ZNF488: variants seen among roughly 807,000 people sequenced by gnomAD.
The protein encoded by ZNF488 is zinc finger protein 488.
Under a neutral mutation model 1.2 loss-of-function variants are expected in ZNF488, and 1 was observed. The ratio of observed to expected loss-of-function variants is 0.86; its 90% CI spans 0.30 to 4.07. The LOEUF (loss-of-function observed/expected upper bound fraction) is 4.07. Ranked by LOEUF, ZNF488 falls within the 30% of genes most tolerant of loss-of-function variation. ZNF488 has a pLI of 0.18. For synonymous variants in ZNF488, 185 were observed against 190.1 expected (o/e 0.97, Z 0.22); for missense variants, 450 against 437.9 (o/e 1.03, Z -0.25).
At chr10:47,369,230 C>T (rs547756911) in intron 1 of ZNF488, among the ~76,000 whole-genome samples, 4 of 152,224 alleles carry the variant, frequency 2.6e-5, no homozygotes, top group Non-Finnish European at 5.9e-5. Context: ...AAAAGTGGTT[C>T]CTGGGGATTA....
chr10:47,374,614 C>T (rs1416131300), intron 1 of ZNF488, among the ~76,000 whole-genome samples: 3 of 152,154 alleles, frequency 2.0e-5, no homozygotes, highest in Non-Finnish European at 4.4e-5. Context: ...GAGCCAGAGA[C>T]CAAGCTTGGG....
At position 47,367,813 on chromosome 10, in the gene ZNF488, G is replaced by C. The variant is rs1555213028; in HGVS notation, c.1017C>G (p.His339Gln). Residue 339 changes from histidine to glutamine, a missense_variant, in exon 2 of 2, where the codon CAC becomes CAG. Transcript: ENST00000585316. ...GTCATTCTGCGGTCACCTGCTAGCT[G>C]TGAGAAGTCATGTGCCGGGAGAGGT... Reference protein sequence around the residue: ...RHHLSRHMTSHS With the variant: ...RHHLSRHMTSQS The C allele has an allele frequency of 6.2e-7, 1 of 1,609,194 alleles. No individual in the cohort carries two copies. Among genetic ancestry groups the C allele is most frequent in the South Asian group, 1.1e-5 (1 of 90,370 alleles).
intron 1 of ZNF488, among the ~76,000 whole-genome samples, chr10:47,377,569 C>T: frequency 6.7e-6 from 1 of 150,110 alleles, no homozygotes; most frequent in East Asian, 2.0e-4. Context: ...ACACACACAG[C>T]TGCCACCCAG....
intron 1 of ZNF488, among the ~76,000 whole-genome samples, chr10:47,372,182 T>G (rs1386319139): frequency 6.6e-6 from 1 of 152,180 alleles, no homozygotes; most frequent in Non-Finnish European, 1.5e-5. Context: ...TAGTTGGAAA[T>G]GACTGGAGAG....
intron 1 of ZNF488, among the ~76,000 whole-genome samples, chr10:47,381,522 C>T (rs1008595629): frequency 5.9e-5 from 9 of 152,294 alleles, no homozygotes; most frequent in Non-Finnish European, 1.0e-4. Flanking sequence ...TCCAGGCTTT[C>T]CCAGAGGCTG....
chr10:47,374,886 G>T (rs186702116), intron 1 of ZNF488, among the ~76,000 whole-genome samples: 1 of 152,174 alleles, frequency 6.6e-6, no homozygotes, highest in East Asian at 1.9e-4. Context: ...TGTGTCAAAG[G>T]CCTGCACCCT....
intron 1 of ZNF488, among the ~76,000 whole-genome samples, chr10:47,375,616 C>T (rs536569441): frequency 5.1e-4 from 77 of 152,232 alleles, no homozygotes; most frequent in African/African-American, 1.7e-3. Flanking sequence ...TCTAGTATTC[C>T]GAAACTATTA....
At chr10:47,378,083 G>A (rs1219721323) in intron 1 of ZNF488, among the ~76,000 whole-genome samples, 1 of 152,190 alleles carries the variant, frequency 6.6e-6, no homozygotes, top group African/African-American at 2.4e-5. Flanking sequence ...CCTGCCCCTA[G>A]AGAGAGCATG....
intron 1 of ZNF488, among the ~76,000 whole-genome samples, chr10:47,374,193 TA>T (rs1417228479): frequency 2.0e-5 from 3 of 152,224 alleles, no homozygotes; most frequent in Non-Finnish European, 4.4e-5. Context: ...TCCTAAATAC[TA>T]TAAGGCGCCG....
At chr10:47,369,021 C>A in intron 1 of ZNF488, 84 bp from the exon 2 acceptor site, 1 of 633,298 alleles carries the variant, frequency 1.6e-6, no homozygotes, top group Non-Finnish European at 2.6e-6. Flanking sequence ...CAGACAGGAC[C>A]CTGATGCTCA....
chr10:47,367,868 A>G lies in ZNF488; in HGVS notation c.962T>C (p.Val321Ala). ...GCGCTCCCGGAAGTGCTCCTGGCAC[A>G]CAGGGCAGGCAAGGGCCTCTTCTCT... is the stretch of plus-strand genomic sequence containing the variant. ...KRREEALACP[V>A]CQEHFRERHH... The change falls in exon 2 of 2, where the codon GTG becomes GCG. Residue 321 changes from valine (V) to alanine (A), a missense_variant. Coordinates refer to ENST00000585316, the MANE Select transcript of ZNF488 (RefSeq NM_153034.4). 3 of 1,613,940 alleles carry G rather than the reference A, an allele frequency of 1.9e-6. No individual in the cohort carries two copies. Among genetic ancestry groups the G allele is most frequent in the Non-Finnish European group, 2.5e-6 (3 of 1,180,030 alleles).
At chr10:47,375,167 C>T (rs987180006) in intron 1 of ZNF488, among the ~76,000 whole-genome samples, 7 of 152,194 alleles carry the variant, frequency 4.6e-5, no homozygotes, top group Non-Finnish European at 1.0e-4. Context: ...GTGAGATGAT[C>T]AGGAATGTTT....
intron 1 of ZNF488, among the ~76,000 whole-genome samples, 176 bp from the exon 2 acceptor site, chr10:47,369,113 C>T: frequency 6.6e-6 from 1 of 152,342 alleles, no homozygotes. Flanking sequence ...CACCATCCTC[C>T]AGGGCCCACC....
intron 1 of ZNF488, among the ~76,000 whole-genome samples, chr10:47,382,195 C>T (rs1433769276): frequency 1.3e-5 from 2 of 152,278 alleles, no homozygotes; most frequent in African/African-American, 2.4e-5. Context: ...ATAGCAAGAG[C>T]ACAAGGAACA....
chr10:47,382,446 A>C (rs540447498), intron 1 of ZNF488, among the ~76,000 whole-genome samples: 1 of 151,988 alleles, frequency 6.6e-6, no homozygotes, highest in Non-Finnish European at 1.5e-5. Flanking sequence ...TTTTTTTTAA[A>C]TAATTGGTGT....
At position 47,368,818 on chromosome 10, in the gene ZNF488, C is replaced by G. The variant is rs1837350039; in HGVS notation, c.12G>C (p.Trp4Cys). The G allele has an allele frequency of 1.9e-6, 3 of 1,589,882 alleles. No individual in the cohort carries two copies. Among genetic ancestry groups the G allele is most frequent in the Non-Finnish European group, 2.6e-6 (3 of 1,168,684 alleles). Residue 4 changes from tryptophan to cysteine, a missense_variant, in exon 2 of 2, where the codon TGG becomes TGC. By Grantham distance (215) the Trp-to-Cys change is radical (BLOSUM62 -2). Coordinates refer to ENST00000585316, the MANE Select transcript of ZNF488 (RefSeq NM_153034.4). ...CCGGGGCCACAGATAAGCAAGGTGG[C>G]CACTCTGGCATTCATCAGTCTTTGG... MPE[W>C]PPCLSVAPAL...
rs1555213028 is a variant in ZNF488 at position 47,367,813 on chromosome 10, G to A, written c.1017C>T (p.His339=). The change falls in exon 2 of 2, where the codon CAC becomes CAT. Residue 339 remains histidine, a synonymous_variant. Transcript: ENST00000585316. Reference sequence around the variant, plus strand: ...GTCATTCTGCGGTCACCTGCTAGCTGTGAGAAGTCATGTGCCGGGAGAGGT... The same window carrying A: ...GTCATTCTGCGGTCACCTGCTAGCTATGAGAAGTCATGTGCCGGGAGAGGT... The part of the protein sequence containing the change: ...RHHLSRHMTS[H]S 6.2e-7 allele frequency: 1 copy of A among 1,609,074 alleles called. No individual in the cohort carries two copies. Among genetic ancestry groups the A allele is most frequent in the African/African-American group, 1.3e-5 (1 of 74,838 alleles).
chr10:47,373,958 G>C (rs1555214124), intron 1 of ZNF488, among the ~76,000 whole-genome samples: 1 of 152,190 alleles, frequency 6.6e-6, no homozygotes, highest in African/African-American at 2.4e-5. Context: ...GCCTTCACCA[G>C]ATGTTGAAAT....
chr10:47,380,987 GCCTTC>G (rs1837925593), intron 1 of ZNF488, among the ~76,000 whole-genome samples: 1 of 152,282 alleles, frequency 6.6e-6, no homozygotes, highest in East Asian at 1.9e-4. Flanking sequence ...CTCCATGGCA[GCCTTC>G]CCATTACTCC....
Sources: allele counts gnomAD v4.1 joint callset (sites outside exome capture counted in the v4.1 genomes callset), GRCh38; gene constraint gnomAD v4.1.1; transcripts MANE v1.5; gene names NCBI Gene and HGNC (gene_info 2026-07-23, HGNC 2026-07-21).